ANKS1B: variants seen among roughly 807,000 people sequenced by gnomAD.
ANKS1B encodes the protein ankyrin repeat and sterile alpha motif domain containing 1B, also known as ankyrin repeat and sterile alpha motif domain-containing protein 1B.
Under a neutral mutation model 148.3 loss-of-function variants are expected in ANKS1B, and 36 were observed. The ratio of observed to expected loss-of-function variants is 0.24; its 90% CI spans 0.19 to 0.32. ANKS1B has a LOEUF of 0.32. Ranked by LOEUF, ANKS1B falls within the 10% of genes least tolerant of loss-of-function variation. The pLI, the probability that ANKS1B is intolerant of heterozygous loss-of-function variation, is 1.00. For synonymous variants in ANKS1B, 542 were observed against 560.8 expected, an observed-to-expected ratio of 0.97 and a Z score of 0.47; for missense variants, 1,157 against 1,542.6, an observed-to-expected ratio of 0.75 and a Z score of 4.19.
At chr12:99,391,325 A>G (rs2094058857) in intron 12 of ANKS1B, among the ~76,000 whole-genome samples, 1 of 152,228 alleles carries the variant, frequency 6.6e-6, no homozygotes, top group African/African-American at 2.4e-5. Context: ...GAAGGTAGCT[A>G]CAAGGGTTTG....
chr12:99,849,215 G>A (rs2087254805), intron 1 of ANKS1B, among the ~76,000 whole-genome samples: 1 of 151,662 alleles, frequency 6.6e-6, no homozygotes, highest in African/African-American at 2.4e-5. Flanking sequence ...CAAATATTTG[G>A]ACAGATATTT....
chr12:99,134,639 TCTCTCTCACACA>T, intron 15 of ANKS1B, among the ~76,000 whole-genome samples: 1 of 82,804 alleles, frequency 1.2e-5, no homozygotes, highest in South Asian at 4.8e-4. Context: ...TCTCTCTCTC[TCTCTCTCACACA>T]CACACACACA....
In ANKS1B at chr12:99,330,001, A is replaced by C. The variant is rs887916379; in HGVS notation, c.1756+69630T>G. 2.0e-5 allele frequency among the ~76,000 whole-genome samples: 3 copies of C among 151,930 alleles called. No individual in the cohort carries two copies. The East Asian group carries it at 5.8e-4, about 29-fold the overall frequency. Reference sequence around the variant, plus strand: ...GCATCTATTTCTCCCTTAAACTGATATTTTCTATTTTGGTTACAGAGCCCA... The same window carrying C: ...GCATCTATTTCTCCCTTAAACTGATCTTTTCTATTTTGGTTACAGAGCCCA... On this transcript the variant is annotated intron_variant, in intron 12 of 26. Coordinates refer to ENST00000683438, the MANE Select transcript of ANKS1B (RefSeq NM_001352186.2).
intron 9 of ANKS1B, among the ~76,000 whole-genome samples, chr12:99,539,832 C>G (rs1287887683): frequency 1.3e-5 from 2 of 151,906 alleles, no homozygotes; most frequent in Non-Finnish European, 2.9e-5. Context: ...CTCTGCCTGC[C>G]ACAAAATGCT....
chr12:99,396,946 A>G (rs2094264115), intron 12 of ANKS1B, among the ~76,000 whole-genome samples: 1 of 152,112 alleles, frequency 6.6e-6, no homozygotes, highest in Non-Finnish European at 1.5e-5. Flanking sequence ...AGGTTTTCAA[A>G]TCTGGAACTA....
At chr12:99,528,433 A>AAAC (rs920873411) in intron 9 of ANKS1B, among the ~76,000 whole-genome samples, 5 of 46,600 alleles carry the variant, frequency 1.1e-4, no homozygotes, top group African/African-American at 6.0e-4. Context: ...AAACAAAAAC[A>AAAC]AAAAAAAAAA....
At chr12:99,306,404 T>C (rs1370429859) in intron 12 of ANKS1B, among the ~76,000 whole-genome samples, 1 of 152,028 alleles carries the variant, frequency 6.6e-6, no homozygotes, top group Non-Finnish European at 1.5e-5. Flanking sequence ...ACAAGCTGAA[T>C]ATTTAGAAAG....
chr12:98,833,550 C>T (rs12307477), intron 17 of ANKS1B, among the ~76,000 whole-genome samples: 2,560 of 150,248 alleles, frequency 0.017, 84 homozygotes, highest in African/African-American at 0.059. Flanking sequence ...GTGGGGAGAG[C>T]GTTTCTTTGG....
chr12:99,079,697 A>T (rs2048994031), intron 16 of ANKS1B: 1 of 152,156 alleles, frequency 6.6e-6, no homozygotes, highest in South Asian at 2.1e-4. Context: ...AGACAATGTT[A>T]ATAGTGAAAA....
chr12:98,748,006 A>C (rs2097940798), intron 26 of ANKS1B, among the ~76,000 whole-genome samples: 1 of 152,200 alleles, frequency 6.6e-6, no homozygotes, highest in African/African-American at 2.4e-5. Context: ...AAATATGGTT[A>C]AATAGAAGGA....
intron 17 of ANKS1B, among the ~76,000 whole-genome samples, chr12:98,986,238 G>A (rs1469470404): frequency 6.7e-6 from 1 of 150,226 alleles, no homozygotes; most frequent in Admixed American, 6.6e-5. Flanking sequence ...TGTTCTCTGT[G>A]GTCTGTTATC....
In ANKS1B at chr12:99,717,440, G is replaced by A. The variant is rs576021694; in HGVS notation, c.1128+55482C>T. Among the ~76,000 whole-genome samples the A allele has an allele frequency of 1.9e-4, 29 of 152,278 alleles. No homozygotes were observed. In the East Asian group the frequency reaches 2.9e-3, roughly 15 times the overall value. On this transcript the variant is annotated intron_variant, in intron 8 of 26. Transcript: ENST00000683438. ...AGTGGCCAGGTGTTCCTCCAGGCCC[G>A]CCTCCCCCAGGAGCTTGCTACAAGT...
intron 9 of ANKS1B, among the ~76,000 whole-genome samples, chr12:99,640,763 G>A (rs960161562): frequency 6.6e-6 from 1 of 152,164 alleles, no homozygotes; most frequent in Non-Finnish European, 1.5e-5. Flanking sequence ...ATGGATGAAT[G>A]GATCAATGGA....
intron 12 of ANKS1B, among the ~76,000 whole-genome samples, chr12:99,390,102 A>G (rs1466430369): frequency 6.6e-6 from 1 of 152,218 alleles, no homozygotes; most frequent in Non-Finnish European, 1.5e-5. Context: ...CTTGTTGCCT[A>G]GATCTTTAGT....
chr12:99,548,041 A>G (rs187736135), intron 9 of ANKS1B, among the ~76,000 whole-genome samples: 17 of 152,328 alleles, frequency 1.1e-4, no homozygotes, highest in African/African-American at 3.4e-4. Flanking sequence ...CAACAGCAAT[A>G]AAATTTGTGT....
intron 9 of ANKS1B, among the ~76,000 whole-genome samples, chr12:99,606,658 ATCTC>A: frequency 6.6e-6 from 1 of 152,192 alleles, no homozygotes; most frequent in South Asian, 2.1e-4. Flanking sequence ...ATTAATGAGT[ATCTC>A]TATTACTTAA....
intron 10 of ANKS1B, among the ~76,000 whole-genome samples, chr12:99,503,559 T>C (rs2096676107): frequency 6.6e-6 from 1 of 152,122 alleles, no homozygotes; most frequent in South Asian, 2.1e-4. Flanking sequence ...ATAAACCAGC[T>C]ATTTCCCTCT....
At chr12:99,524,521 A>C (rs1043270663) in intron 9 of ANKS1B, among the ~76,000 whole-genome samples, 2 of 152,252 alleles carry the variant, frequency 1.3e-5, no homozygotes, top group African/African-American at 2.4e-5. Context: ...AGCCAGTGTC[A>C]GTGATGCAAC....
intron 11 of ANKS1B, among the ~76,000 whole-genome samples, chr12:99,431,760 A>G (rs181630249): frequency 9.9e-5 from 15 of 152,278 alleles, no homozygotes; most frequent in Admixed American, 6.5e-4. Context: ...ACTTAAGTAA[A>G]AAGATTCTAA....
Sources: allele counts gnomAD v4.1 joint callset (sites outside exome capture counted in the v4.1 genomes callset), GRCh38; gene constraint gnomAD v4.1.1; transcripts MANE v1.5; gene names NCBI Gene and HGNC (gene_info 2026-07-23, HGNC 2026-07-21).